Variants in BICC1 observed in about 807,000 individuals in gnomAD.
BICC1 encodes protein bicaudal C homolog 1.
BICC1 carries 43 observed loss-of-function variants against 111.0 expected under a neutral mutation model. The observed-to-expected ratio is 0.39, with a 90% CI of 0.30 to 0.50. The LOEUF is 0.50. BICC1 is among the 20% of genes least tolerant of loss of function. The pLI, the probability that BICC1 is intolerant of heterozygous loss-of-function variation, is 0.88. For synonymous variants in BICC1, 467 were observed against 434.4 expected, an observed-to-expected ratio of 1.07 and a Z score of -0.93; for missense variants, 1,091 against 1,203.2, an observed-to-expected ratio of 0.91 and a Z score of 1.38.
intron 2 of BICC1, among the ~76,000 whole-genome samples, chr10:58,691,619 A>G (rs1489875441): frequency 6.6e-6 from 1 of 152,180 alleles, no homozygotes; most frequent in Non-Finnish European, 1.5e-5. Context: ...AATTTAACAC[A>G]AAACTCTAGA....
chr10:58,812,464 T>G (rs1468649628), intron 17 of BICC1, among the ~76,000 whole-genome samples: 1 of 150,352 alleles, frequency 6.7e-6, no homozygotes, highest in Non-Finnish European at 1.5e-5. Flanking sequence ...TGATTCTAAA[T>G]TTCTTTTCTT....
intron 3 of BICC1, among the ~76,000 whole-genome samples, chr10:58,740,906 A>G (rs1383825905): frequency 3.9e-5 from 6 of 152,232 alleles, no homozygotes; most frequent in Non-Finnish European, 7.3e-5. Context: ...GTGAAAAGGC[A>G]GAGCTCTGAA....
At chr10:58,760,722 T>G (rs1410822454) in intron 3 of BICC1, among the ~76,000 whole-genome samples, 1 of 152,154 alleles carries the variant, frequency 6.6e-6, no homozygotes, top group East Asian at 1.9e-4. Context: ...AGGAGAATCA[T>G]AGATTTATAT....
intron 1 of BICC1, among the ~76,000 whole-genome samples, chr10:58,586,319 GT>G (rs930133085): frequency 2.4e-4 from 37 of 152,118 alleles, no homozygotes; most frequent in African/African-American, 8.9e-4. Flanking sequence ...CCCAATCCCT[GT>G]TTTATATGAA....
chr10:58,671,438 G>A (rs1422782049), intron 2 of BICC1, among the ~76,000 whole-genome samples: 2 of 152,014 alleles, frequency 1.3e-5, no homozygotes, highest in Non-Finnish European at 2.9e-5. Flanking sequence ...CAGGCTGGAG[G>A]GAGACACAAA....
At chr10:58,824,934 A>C (rs1014843388) in intron 20 of BICC1, among the ~76,000 whole-genome samples, 1 of 152,172 alleles carries the variant, frequency 6.6e-6, no homozygotes, top group Admixed American at 6.5e-5. Flanking sequence ...CATACTCATA[A>C]AACAACGTAA....
chr10:58,787,420 T>C (rs765972810), intron 5 of BICC1, among the ~76,000 whole-genome samples: 28 of 152,196 alleles, frequency 1.8e-4, no homozygotes, highest in Non-Finnish European at 3.8e-4. Flanking sequence ...CATTGCCTGG[T>C]AGAGACCTGG....
intron 1 of BICC1, among the ~76,000 whole-genome samples, chr10:58,589,110 T>A (rs1844520552): frequency 6.6e-6 from 1 of 152,192 alleles, no homozygotes; most frequent in East Asian, 1.9e-4. Flanking sequence ...GTGAATACCA[T>A]CTCTGCAGTC....
intron 2 of BICC1, among the ~76,000 whole-genome samples, chr10:58,679,738 G>T (rs537843782): frequency 3.7e-4 from 56 of 152,140 alleles, no homozygotes; most frequent in African/African-American, 1.2e-3. Context: ...AATAAATAAA[G>T]AAAATTTCAG....
intron 1 of BICC1, among the ~76,000 whole-genome samples, chr10:58,571,827 C>A (rs1843960806): frequency 6.6e-6 from 1 of 152,010 alleles, no homozygotes; most frequent in Non-Finnish European, 1.5e-5. Flanking sequence ...TATAACAGAA[C>A]GATTTATATT....
intron 3 of BICC1, among the ~76,000 whole-genome samples, chr10:58,716,779 GT>G (rs1045669353): frequency 2.0e-5 from 3 of 151,408 alleles, no homozygotes; most frequent in African/African-American, 7.4e-5. Context: ...AGCTTTTAGG[GT>G]TGGGGGGGTG....
intron 2 of BICC1, among the ~76,000 whole-genome samples, chr10:58,639,190 AT>A (rs1057232707): frequency 6.6e-6 from 1 of 152,036 alleles, no homozygotes; most frequent in East Asian, 1.9e-4. Context: ...CTAACTGAAA[AT>A]TTTTTTAGTG....
chr10:58,800,816 T>C (rs766154599), intron 13 of BICC1, 74 bp from the exon 14 acceptor site: 54 of 1,421,300 alleles, frequency 3.8e-5, no homozygotes, highest in Non-Finnish European at 4.9e-5. Flanking sequence ...CTGATTTGTT[T>C]CCATTGCAGA....
At chr10:58,776,798 CACTTCATTT>C (rs1172866755) in intron 3 of BICC1, among the ~76,000 whole-genome samples, 1 of 152,166 alleles carries the variant, frequency 6.6e-6, no homozygotes, top group Non-Finnish European at 1.5e-5. Context: ...TTCCTCCTGG[CACTTCATTT>C]TCTTTCCTCC....
chr10:58,564,383 A>G (rs982862207), intron 1 of BICC1, among the ~76,000 whole-genome samples: 25 of 152,312 alleles, frequency 1.6e-4, no homozygotes, highest in Admixed American at 6.5e-5. Flanking sequence ...CAGGCAGTTA[A>G]TATTGATCAT....
At chr10:58,547,696 A>G (rs1453191136) in intron 1 of BICC1, among the ~76,000 whole-genome samples, 1 of 151,958 alleles carries the variant, frequency 6.6e-6, no homozygotes, top group Non-Finnish European at 1.5e-5. Flanking sequence ...ATGGATATTT[A>G]TTTATTTTAT....
chr10:58,529,536 T>C (rs1242880613), intron 1 of BICC1, among the ~76,000 whole-genome samples: 1 of 151,956 alleles, frequency 6.6e-6, no homozygotes, highest in Non-Finnish European at 1.5e-5. Context: ...GGCAATGTTT[T>C]GGTAAGATTT....
chr10:58,707,168 T>C (rs975115366), intron 3 of BICC1, among the ~76,000 whole-genome samples: 1 of 152,370 alleles, frequency 6.6e-6, no homozygotes, highest in East Asian at 1.9e-4. Flanking sequence ...TGAGGTTTTA[T>C]TGTTTTTGGT....
At chr10:58,759,343 A>T (rs1842238547) in intron 3 of BICC1, among the ~76,000 whole-genome samples, 1 of 152,180 alleles carries the variant, frequency 6.6e-6, no homozygotes, top group African/African-American at 2.4e-5. Flanking sequence ...ATAAACAAAA[A>T]GATTTATGAA....
Sources: gnomAD v4.1 joint callset for allele counts (sites outside exome capture counted in the v4.1 genomes callset) on GRCh38, gnomAD v4.1.1 for gene constraint, MANE v1.5 for transcripts, NCBI Gene and HGNC (gene_info 2026-07-23, HGNC 2026-07-21) for gene names.